TRPM6: variants seen among roughly 807,000 people sequenced by gnomAD.
The protein encoded by TRPM6 is channel kinase 2.
In TRPM6, 111 loss-of-function variants were observed where a neutral mutation model predicts 247.6. The ratio of observed to expected loss-of-function variants is 0.45; its 90% CI spans 0.38 to 0.52. The LOEUF (loss-of-function observed/expected upper bound fraction) is 0.52, where lower values mean the gene tolerates loss of function less well. Among genes scored for constraint, TRPM6 ranks in the 20% least tolerant of loss-of-function variants. The pLI, the probability that TRPM6 is intolerant of heterozygous loss-of-function variation, is 0.00. For synonymous variants in TRPM6, 892 were observed against 853.8 expected (o/e 1.04, Z -0.78); for missense variants, 2,126 against 2,421.5 (o/e 0.88, Z 2.56).
rs1826105382 is a variant in TRPM6, at chr9:74,747,920, TG to T, written c.5058-7del. Reference sequence around the variant, plus strand: ...CTCCAATTGAACTTTTCAGCCTGTTTGAAAAAAAAATGAAGTTGTTTAGATA... The same window carrying T: ...CTCCAATTGAACTTTTCAGCCTGTTTAAAAAAAAATGAAGTTGTTTAGATA... On this transcript the variant is annotated splice_polypyrimidine_tract_variant and splice_region_variant and intron_variant, in intron 30 of 38. Transcript: ENST00000360774. 6.2e-7 allele frequency: 1 copy of T among 1,611,240 alleles called. No individual in the cohort carries two copies. The highest frequency in any genetic ancestry group is 8.5e-7 in the Non-Finnish European group (1 of 1,178,694).
intron 36 of TRPM6, among the ~76,000 whole-genome samples, chr9:74,736,782 T>A (rs1587453554): frequency 6.6e-6 from 1 of 152,324 alleles, no homozygotes; most frequent in South Asian, 2.1e-4. Context: ...TAAAGTTAAT[T>A]CTCTTTTTCC....
chr9:74,870,356 C>G (rs1830981506), intron 1 of TRPM6, among the ~76,000 whole-genome samples: 1 of 151,958 alleles, frequency 6.6e-6, no homozygotes, highest in Non-Finnish European at 1.5e-5. Flanking sequence ...CTGCAGACAT[C>G]TACACTAAGG....
chr9:74,752,259 CT>C lies in TRPM6; in HGVS notation c.4998+17del, dbSNP rs2118794911. 7.0e-7 allele frequency: 1 copy of C among 1,427,210 alleles called. No individual in the cohort carries two copies. The highest frequency in any genetic ancestry group is 9.8e-7 in the Non-Finnish European group (1 of 1,018,992). 88.4% of individuals were successfully genotyped at this position (1,427,210 alleles called of 1,614,324 possible). A position where few individuals can be genotyped will look rare whatever the true frequency, so the allele number is the denominator to read the frequency against. On this transcript the variant is annotated intron_variant, in intron 29 of 38. Coordinates refer to ENST00000360774, the MANE Select transcript of TRPM6 (RefSeq NM_017662.5). ...CATGCTCGAATGCTTTTTTTTTTAA[CT>C]CCTAAAATATTTTTACCTCTTGAGA...
chr9:74,830,609 C>T (rs1829509083), intron 6 of TRPM6, among the ~76,000 whole-genome samples: 1 of 151,900 alleles, frequency 6.6e-6, no homozygotes, highest in African/African-American at 2.4e-5. Context: ...CAGGGTCTTA[C>T]TCTGTTGCCC....
At chr9:74,832,653 T>C (rs913961569) in intron 6 of TRPM6, among the ~76,000 whole-genome samples, 2 of 152,194 alleles carry the variant, frequency 1.3e-5, no homozygotes, top group Non-Finnish European at 2.9e-5. Context: ...CGAAACAAAA[T>C]TGGCTATGAG....
chr9:74,803,603 A>G (rs1336794201), intron 15 of TRPM6, among the ~76,000 whole-genome samples, 191 bp downstream of exon 15: 1 of 152,196 alleles, frequency 6.6e-6, no homozygotes, highest in Non-Finnish European at 1.5e-5. Flanking sequence ...GTGCAAGTCC[A>G]GAGAATCACT....
At chr9:74,850,741 AC>A (rs894931227) in intron 3 of TRPM6, among the ~76,000 whole-genome samples, 2 of 152,070 alleles carry the variant, frequency 1.3e-5, no homozygotes, top group Non-Finnish European at 2.9e-5. Context: ...AAAAAAACAA[AC>A]AAAAAAAAGG....
At chr9:74,854,678 A>T (rs940243147) in intron 3 of TRPM6, among the ~76,000 whole-genome samples, 1 of 151,972 alleles carries the variant, frequency 6.6e-6, no homozygotes, top group South Asian at 2.1e-4. Flanking sequence ...TTTATTTTTT[A>T]TTTGAGACAG....
At chr9:74,842,029 T>C in intron 4 of TRPM6, 137 bp downstream of exon 4, 1 of 922,328 alleles carries the variant, frequency 1.1e-6, no homozygotes, top group Non-Finnish European at 1.7e-6. Flanking sequence ...GAGAATCACT[T>C]GAACCCGGGA....
At chr9:74,741,158 T>A (rs1044270610) in intron 33 of TRPM6, among the ~76,000 whole-genome samples, 8 of 152,202 alleles carry the variant, frequency 5.3e-5, no homozygotes, top group South Asian at 2.1e-4. Context: ...ACTTAACTGC[T>A]ACATAGCTTC....
chr9:74,772,581 G>A (rs2118885913), intron 24 of TRPM6, among the ~76,000 whole-genome samples: 1 of 152,336 alleles, frequency 6.6e-6, no homozygotes, highest in Admixed American at 6.5e-5. Context: ...GGTGGCACAA[G>A]CCTGTAGTCA....
At chr9:74,787,008 G>A (rs1827703203) in intron 20 of TRPM6, among the ~76,000 whole-genome samples, 1 of 151,706 alleles carries the variant, frequency 6.6e-6, no homozygotes, top group African/African-American at 2.4e-5. Flanking sequence ...AGACCAGCCT[G>A]GCCAACATGA....
intron 3 of TRPM6, among the ~76,000 whole-genome samples, chr9:74,845,396 C>CAGA (rs58833333): frequency 6.6e-6 from 1 of 152,270 alleles, no homozygotes; most frequent in Non-Finnish European, 1.5e-5. Flanking sequence ...AAATGTCCAT[C>CAGA]GTGGAGAAGT....
At chr9:74,780,001 G>A (rs1478726225) in intron 23 of TRPM6, among the ~76,000 whole-genome samples, 1 of 151,906 alleles carries the variant, frequency 6.6e-6, no homozygotes. Flanking sequence ...GTGAAACTCT[G>A]TCTCTACTAA....
chr9:74,872,977 C>T (rs1831076396), intron 1 of TRPM6, among the ~76,000 whole-genome samples: 1 of 152,160 alleles, frequency 6.6e-6, no homozygotes, highest in Non-Finnish European at 1.5e-5. Flanking sequence ...ATAAAACCTT[C>T]CAAGGGCTCG....
intron 37 of TRPM6, among the ~76,000 whole-genome samples, chr9:74,730,753 G>A (rs545592450): frequency 1.3e-5 from 2 of 152,218 alleles, no homozygotes; most frequent in East Asian, 1.9e-4. Flanking sequence ...TAAGGCATTC[G>A]AAATGTGAGC....
chr9:74,726,740 G>T (rs75530695), intron 38 of TRPM6, among the ~76,000 whole-genome samples: 3,923 of 152,190 alleles, frequency 0.026, 166 homozygotes, highest in African/African-American at 0.087. Flanking sequence ...AGTATCGGAG[G>T]ATGTTGAGTG....
chr9:74,809,236 G>A (rs1828640876), intron 13 of TRPM6, among the ~76,000 whole-genome samples: 1 of 152,212 alleles, frequency 6.6e-6, no homozygotes, highest in Non-Finnish European at 1.5e-5. Flanking sequence ...CAGGAGGGCT[G>A]AGTGGTAGAT....
intron 21 of TRPM6, among the ~76,000 whole-genome samples, chr9:74,784,929 T>C (rs1037707847): frequency 3.3e-5 from 5 of 152,008 alleles, no homozygotes; most frequent in Non-Finnish European, 5.9e-5. Flanking sequence ...CTGGGCAACA[T>C]AGTGGGACCC....
Sources: gnomAD v4.1 joint callset for allele counts (sites outside exome capture counted in the v4.1 genomes callset) on GRCh38, gnomAD v4.1.1 for gene constraint, MANE v1.5 for transcripts, NCBI Gene and HGNC (gene_info 2026-07-23, HGNC 2026-07-21) for gene names.